Variants in ASAP2 observed in about 807,000 individuals in gnomAD.
ASAP2 encodes the protein arf-GAP with SH3 domain, ANK repeat and PH domain-containing protein 2.
ASAP2 carries 45 observed loss-of-function variants against 131.4 expected under a neutral mutation model. The observed-to-expected ratio is 0.34, with a 90% confidence interval of 0.27 to 0.44. The LOEUF is 0.44. Ranked by LOEUF, ASAP2 falls within the 20% of genes least tolerant of loss-of-function variation. The pLI, the probability that ASAP2 is intolerant of heterozygous loss-of-function variation, is 1.00. For missense variants in ASAP2, 1,011 were observed against 1,297.0 expected, an observed-to-expected ratio of 0.78 and a Z score of 3.39; for synonymous variants, 510 against 503.0, an observed-to-expected ratio of 1.01 and a Z score of -0.19.
chr2:9,257,174 A>G (rs1665226669), intron 1 of ASAP2, among the ~76,000 whole-genome samples: 1 of 152,186 alleles, frequency 6.6e-6, no homozygotes. Context: ...CTGGTGCTGG[A>G]GATTCAAAAA....
At chr2:9,219,070 C>A (rs1662246184) in intron 1 of ASAP2, among the ~76,000 whole-genome samples, 1 of 152,120 alleles carries the variant, frequency 6.6e-6, no homozygotes, top group Non-Finnish European at 1.5e-5. Context: ...TTTCGTTGGT[C>A]TCTTAATTAA....
chr2:9,355,942 CAGAG>C, intron 12 of ASAP2, 101 bp from the exon 13 acceptor site: 2 of 1,376,144 alleles, frequency 1.5e-6, no homozygotes, highest in East Asian at 4.6e-5. Context: ...AATTTCGTAA[CAGAG>C]AGCTAAGATT....
rs774189981 is a variant in ASAP2 at position 9,315,249 on chromosome 2, A to G, written c.346-3275A>G. 2.0e-5 allele frequency among the ~76,000 whole-genome samples: 3 copies of G among 152,232 alleles called. No individual in the cohort carries two copies. In the East Asian group the frequency reaches 5.8e-4, roughly 29 times the overall value. The stretch of plus-strand genomic sequence containing the variant: ...GGACACAACCCCAGACAAGCCTGCC[A>G]TAGCCCTGAAGCGGGGAGTGGGGCA... On this transcript the variant is annotated intron_variant, in intron 3 of 27. Transcript: ENST00000281419.
intron 2 of ASAP2, among the ~76,000 whole-genome samples, chr2:9,282,862 C>T (rs940845533): frequency 6.6e-6 from 1 of 152,226 alleles, no homozygotes; most frequent in Non-Finnish European, 1.5e-5. Flanking sequence ...GTACCAGTGT[C>T]CCTCACTGCA....
At chr2:9,300,514 G>C (rs1668415156) in intron 3 of ASAP2, among the ~76,000 whole-genome samples, 1 of 152,364 alleles carries the variant, frequency 6.6e-6, no homozygotes, top group African/African-American at 2.4e-5. Context: ...TATCACTGCA[G>C]GTCCTAGTTG....
At chr2:9,276,580 C>A (rs1666775682) in intron 1 of ASAP2, among the ~76,000 whole-genome samples, 1 of 152,000 alleles carries the variant, frequency 6.6e-6, no homozygotes, top group South Asian at 2.1e-4. Flanking sequence ...CCCTGTTGCC[C>A]AGGCTGGAGT....
intron 3 of ASAP2, among the ~76,000 whole-genome samples, chr2:9,302,323 C>T (rs1209929424): frequency 1.3e-5 from 2 of 151,638 alleles, no homozygotes; most frequent in South Asian, 2.1e-4. Flanking sequence ...CAGGCACGTG[C>T]CACCATGCCC....
intron 1 of ASAP2, among the ~76,000 whole-genome samples, chr2:9,228,993 C>T (rs890952664): frequency 6.6e-6 from 1 of 152,090 alleles, no homozygotes; most frequent in Non-Finnish European, 1.5e-5. Context: ...GGAGTGCTGC[C>T]GGGCTCCATT....
At chr2:9,317,505 AC>A (rs1359185212) in intron 3 of ASAP2, among the ~76,000 whole-genome samples, 3 of 140,048 alleles carry the variant, frequency 2.1e-5, no homozygotes, top group Admixed American at 7.2e-5. Flanking sequence ...ACCCACTTAC[AC>A]CCCCACAATC....
chr2:9,306,016 TGGTAG>T, intron 3 of ASAP2, among the ~76,000 whole-genome samples: 1 of 120,586 alleles, frequency 8.3e-6, no homozygotes, highest in East Asian at 2.5e-4. Flanking sequence ...AGTAGTGGGG[TGGTAG>T]ATATGGGATG....
intron 15 of ASAP2, among the ~76,000 whole-genome samples, chr2:9,361,331 G>A (rs1673062050): frequency 6.6e-6 from 1 of 152,108 alleles, no homozygotes; most frequent in Non-Finnish European, 1.5e-5. Context: ...GCTCTGGCTG[G>A]TCCTCTGTGG....
At position 9,279,285 on chromosome 2, in the gene ASAP2, A is replaced by G. The variant is rs201296883; in HGVS notation, c.127-32A>G. The G allele has an allele frequency of 2.5e-6, 4 of 1,606,798 alleles. No individual in the cohort carries two copies. The African/African-American group carries it at 4.0e-5, about 16-fold the overall frequency. On this transcript the variant is annotated intron_variant, in intron 1 of 27. Coordinates refer to ENST00000281419, the MANE Select transcript of ASAP2 (RefSeq NM_003887.3). ...CTGCTAGCGTGGTCTCAGCACAGAC[A>G]CGGTTTAATGACTGTATTCTCTACA...
At chr2:9,360,888 A>G (rs111911978) in intron 15 of ASAP2, among the ~76,000 whole-genome samples, 1 of 152,198 alleles carries the variant, frequency 6.6e-6, no homozygotes, top group East Asian at 1.9e-4. Flanking sequence ...CAGTTGACTC[A>G]TATGAGCTGG....
chr2:9,258,357 A>G (rs1451056801), intron 1 of ASAP2, among the ~76,000 whole-genome samples: 2 of 112,358 alleles, frequency 1.8e-5, no homozygotes, highest in Non-Finnish European at 3.5e-5. Flanking sequence ...TTTTTTTGAG[A>G]CTTTTGGTCA....
chr2:9,243,563 T>C lies in ASAP2; in HGVS notation c.127-35754T>C, dbSNP rs143353188. 4.5e-3 allele frequency among the ~76,000 whole-genome samples: 692 copies of C among 152,362 alleles called. 4 individuals carry two copies. Among genetic ancestry groups the C allele is most frequent in the African/African-American group, 0.016 (660 of 41,582 alleles). ...TTCTGTACGTCAGGCAGATGAATTG[T>C]ATTAAAATACTTCCTAGGTCTAGTT... On this transcript the variant is annotated intron_variant, in intron 1 of 27. Coordinates refer to ENST00000281419, the MANE Select transcript of ASAP2 (RefSeq NM_003887.3).
intron 1 of ASAP2, among the ~76,000 whole-genome samples, chr2:9,235,835 C>T (rs1049071056): frequency 2.0e-5 from 3 of 152,102 alleles, no homozygotes; most frequent in South Asian, 2.1e-4. Context: ...TGGATGCAGC[C>T]GGCAATGCCT....
intron 1 of ASAP2, among the ~76,000 whole-genome samples, chr2:9,262,221 G>C (rs1266314566): frequency 6.6e-6 from 1 of 152,184 alleles, no homozygotes; most frequent in Non-Finnish European, 1.5e-5. Flanking sequence ...GGTATAAGCT[G>C]TAAAGTCTTT....
intron 1 of ASAP2, among the ~76,000 whole-genome samples, chr2:9,225,354 A>G (rs539393341): frequency 1.2e-4 from 19 of 152,330 alleles, no homozygotes; most frequent in African/African-American, 4.6e-4. Flanking sequence ...ACACTTGTCT[A>G]GTGGTCTGTA....
intron 12 of ASAP2, among the ~76,000 whole-genome samples, chr2:9,351,243 A>G (rs1452273564): frequency 6.6e-6 from 1 of 152,252 alleles, no homozygotes; most frequent in Non-Finnish European, 1.5e-5. Context: ...AAGGAGGACA[A>G]TTCTGTTTTC....
Sources: allele counts gnomAD v4.1 joint callset (sites outside exome capture counted in the v4.1 genomes callset), GRCh38; gene constraint gnomAD v4.1.1; transcripts MANE v1.5; gene names NCBI Gene and HGNC (gene_info 2026-07-23, HGNC 2026-07-21).